ZNF432: variants seen among roughly 807,000 people sequenced by gnomAD.
ZNF432 encodes the protein zinc finger protein 432.
A neutral mutation model predicts 13.9 loss-of-function variants in ZNF432; 10 were observed. The observed-to-expected ratio is 0.72, with a 90% confidence interval of 0.44 to 1.22. The LOEUF (loss-of-function observed/expected upper bound fraction) is 1.22, where lower values mean the gene tolerates loss of function less well. Ranked by LOEUF, ZNF432 falls within the 50% of genes most tolerant of loss-of-function variation. ZNF432 has a pLI of 0.00. For synonymous variants in ZNF432, 247 were observed against 256.2 expected, an observed-to-expected ratio of 0.96 and a Z score of 0.34; for missense variants, 793 against 796.2, an observed-to-expected ratio of 1.00 and a Z score of 0.05.
At chr19:52,046,055 A>G (rs1375706039) in intron 2 of ZNF432, among the ~76,000 whole-genome samples, 2 of 151,838 alleles carry the variant, frequency 1.3e-5, no homozygotes. Flanking sequence ...TTCCATGAGT[A>G]ATTTATGTAA....
intron 2 of ZNF432, among the ~76,000 whole-genome samples, chr19:52,045,826 C>T (rs1006293836): frequency 6.6e-6 from 1 of 150,790 alleles, no homozygotes; most frequent in Non-Finnish European, 1.5e-5. Flanking sequence ...AAAACCCCAT[C>T]TCTACTAAAA....
Position 52,033,400 on chromosome 19 carries a change from A to G in ZNF432, c.*320T>C. 3.8e-6 allele frequency: 1 copy of G among 265,926 alleles called. No individual in the cohort carries two copies. 16.5% of individuals were successfully genotyped at this position (265,926 alleles called of 1,614,324 possible). A position where few individuals can be genotyped will look rare whatever the true frequency, so the allele number is the denominator to read the frequency against. ...GTAATCAGTTCAGATTCTCTGCAAA[A>G]GGACTATGTACCTTACACATTTGTC... On this transcript the variant is annotated 3_prime_UTR_variant, in exon 5 of 5. Transcript: ENST00000221315.
At chr19:52,038,777 A>C (rs2087107664) in intron 4 of ZNF432, among the ~76,000 whole-genome samples, 1 of 152,216 alleles carries the variant, frequency 6.6e-6, no homozygotes, top group African/African-American at 2.4e-5. Context: ...TCTAGCTCTA[A>C]CCTCATCCAA....
intron 1 of ZNF432, among the ~76,000 whole-genome samples, chr19:52,047,630 C>T (rs1315954686): frequency 6.8e-6 from 1 of 147,444 alleles, no homozygotes; most frequent in Non-Finnish European, 1.5e-5. Flanking sequence ...TGAGCCCAGC[C>T]ATTGCACTCA....
At position 52,032,247 on chromosome 19, in the gene ZNF432, G is replaced by T. The variant is rs2087021079; in HGVS notation, c.*1473C>A. 2 of 151,834 alleles carry T rather than the reference G, an allele frequency of 1.3e-5. No homozygotes were observed. Among genetic ancestry groups the T allele is most frequent in the Non-Finnish European group, 2.9e-5 (2 of 67,982 alleles). The allele number at this position is 151,834 out of a possible 1,614,324, so 9.4% of individuals were successfully genotyped here. A position where few individuals can be genotyped will look rare whatever the true frequency, so the allele number is the denominator to read the frequency against. On this transcript the variant is annotated 3_prime_UTR_variant, in exon 5 of 5. Coordinates refer to ENST00000221315, the MANE Select transcript of ZNF432 (RefSeq NM_014650.4). ...TAAATTTGGGGCCTATAATATGTAAGAACTAATAAATAACACCAGATTGGC... is the reference window on the plus strand; with the variant it reads ...TAAATTTGGGGCCTATAATATGTAATAACTAATAAATAACACCAGATTGGC...
chr19:52,047,242 C>T (rs1404157073), intron 1 of ZNF432, 182 bp from the exon 2 acceptor site: 2 of 272,286 alleles, frequency 7.3e-6, no homozygotes, highest in Admixed American at 5.1e-5. Context: ...AAGGAGAATC[C>T]ACATAGCATC....
In ZNF432 at chr19:52,048,836, T is replaced by G. The variant is rs920282062; in HGVS notation, c.-334A>C. 9 of 152,310 alleles carry G rather than the reference T, an allele frequency of 5.9e-5. No homozygotes were observed. Among genetic ancestry groups the G allele is most frequent in the Admixed American group, 2.0e-4 (3 of 15,280 alleles). 9.4% of individuals were successfully genotyped at this position (152,310 alleles called of 1,614,324 possible). ...AGCCGCGTTTCCATGGAGAGCGGAA[T>G]GCGGCCTTCCGGCTTTTCCTCAGGA... is the stretch of plus-strand genomic sequence containing the variant. On this transcript the variant is annotated 5_prime_UTR_variant, in exon 1 of 5. Coordinates refer to ENST00000221315, the MANE Select transcript of ZNF432 (RefSeq NM_014650.4).
intron 2 of ZNF432, among the ~76,000 whole-genome samples, chr19:52,043,700 G>A (rs2087156195): frequency 1.3e-5 from 2 of 152,222 alleles, no homozygotes; most frequent in Admixed American, 1.3e-4. Context: ...ACTGAGATAG[G>A]GGAAAACCGC....
At chr19:52,045,896 G>T (rs1417321690) in intron 2 of ZNF432, among the ~76,000 whole-genome samples, 2 of 150,754 alleles carry the variant, frequency 1.3e-5, no homozygotes, top group African/African-American at 4.9e-5. Context: ...TCAGGAAGCT[G>T]AGGCAGAAGA....
At chr19:52,041,099 T>G (rs1010991923) in intron 3 of ZNF432, among the ~76,000 whole-genome samples, 1 of 152,060 alleles carries the variant, frequency 6.6e-6, no homozygotes, top group Admixed American at 6.5e-5. Context: ...AGACACTGTC[T>G]CTAAAGAAAA....
At position 52,044,689 on chromosome 19, in the gene ZNF432, A is replaced by G. The variant is rs180929075; in HGVS notation, c.15+2165T>C. Among the ~76,000 whole-genome samples the G allele has an allele frequency of 2.9e-3, 440 of 152,344 alleles. 9 individuals carry two copies. The highest frequency in any genetic ancestry group is 1.6e-3 in the Non-Finnish European group (112 of 68,030). Reference sequence around the variant, plus strand: ...ACAAAAGAATATTGGATCATTGAAAATTGTATAATTTGATAATGTCATATT... The same window carrying G: ...ACAAAAGAATATTGGATCATTGAAAGTTGTATAATTTGATAATGTCATATT... On this transcript the variant is annotated intron_variant, in intron 2 of 4. Transcript: ENST00000221315.
Position 52,046,878 on chromosome 19 carries a change from T to C in ZNF432, c.-10A>G. On this transcript the variant is annotated 5_prime_UTR_variant, in exon 2 of 5. Transcript: ENST00000221315. The stretch of plus-strand genomic sequence containing the variant: ...CCTGGGCATTGATCATTTTCTTCTG[T>C]TGTGGGAAATGGCCAGCACCTGGGA... The C allele has an allele frequency of 6.2e-7, 1 of 1,613,294 alleles. No individual in the cohort carries two copies. Among genetic ancestry groups the C allele is most frequent in the African/African-American group, 1.3e-5 (1 of 75,024 alleles).
rs1364543772 is a variant in ZNF432 at position 52,035,011 on chromosome 19, T to C, written c.668A>G (p.His223Arg). The C allele has an allele frequency of 5.6e-6, 9 of 1,614,086 alleles. No homozygotes were observed. Among genetic ancestry groups the C allele is most frequent in the Non-Finnish European group, 7.6e-6 (9 of 1,180,036 alleles). The change falls in exon 5 of 5, where the codon CAT becomes CGT. Residue 223 changes from histidine (H) to arginine (R), a missense_variant. By Grantham distance (29) the His-to-Arg change is conservative. Transcript: ENST00000221315. ...AFVKKSQLTD[H>R]ERVHTGEKPY... Reference sequence around the variant, plus strand: ...TTTTTCTCCTGTATGAACTCTCTCATGATCAGTGAGCTGAGACTTCTTGAC... The same window carrying C: ...TTTTTCTCCTGTATGAACTCTCTCACGATCAGTGAGCTGAGACTTCTTGAC...
rs763258833 is a variant in ZNF432 at position 52,033,888 on chromosome 19, ATAAG to A, written c.1787_1790del (p.Pro596LeufsTer12). The A allele has an allele frequency of 4.4e-5, 71 of 1,613,906 alleles. No individual in the cohort carries two copies. The highest frequency in any genetic ancestry group is 1.6e-5 in the Non-Finnish European group (19 of 1,179,990). On this transcript the variant is annotated frameshift_variant, in exon 5 of 5. Transcript: ENST00000221315. LOFTEE classifies it low-confidence loss of function (END_TRUNC). Reference sequence around the variant, plus strand: ...AGCCTTTACCACATTCATTACATCCATAAGGTTTTTCTCCAGTATGAACTTGCTT... The same window carrying A: ...AGCCTTTACCACATTCATTACATCCAGTTTTTCTCCAGTATGAACTTGCTT...
At chr19:52,042,137 CATATAA>C (rs1420060636) in intron 2 of ZNF432, among the ~76,000 whole-genome samples, 6 of 152,066 alleles carry the variant, frequency 3.9e-5, no homozygotes, top group Non-Finnish European at 7.3e-5. Context: ...TGCACACATA[CATATAA>C]ATATATGTTT....
rs1469028735 is a variant in ZNF432, at chr19:52,034,492, G to A, written c.1187C>T (p.Thr396Ile). 1 of 1,613,840 alleles carries A rather than the reference G, an allele frequency of 6.2e-7. No individual in the cohort carries two copies. Among genetic ancestry groups the A allele is most frequent in the Non-Finnish European group, 8.5e-7 (1 of 1,180,002 alleles). Reference sequence around the variant, plus strand: ...ACTGCATATGTAGGGTTTCTCTCCTGTATGAGTTCGTTGATGTTCGATCAT... The same window carrying A: ...ACTGCATATGTAGGGTTTCTCTCCTATATGAGTTCGTTGATGTTCGATCAT... ...SRMIEHQRTHTGEKPYICSEC... is the reference protein window; with the variant it reads ...SRMIEHQRTHIGEKPYICSEC... The change falls in exon 5 of 5, where the codon ACA (threonine) becomes ATA (isoleucine). Residue 396 changes from threonine to isoleucine, a missense_variant. Coordinates refer to ENST00000221315, the MANE Select transcript of ZNF432 (RefSeq NM_014650.4).
Position 52,034,244 on chromosome 19 carries a change from G to A in ZNF432, c.1435C>T (p.His479Tyr). ...KSRLIVHQRT[H>Y]TGEKPYRCSE... ...CACCTGTAAGGTTTCTCTCCAGTAT[G>A]AGTTCGCTGATGTACAATCAGCCGA... The change falls in exon 5 of 5, where the codon CAT (histidine) becomes TAT (tyrosine). Residue 479 changes from histidine (H) to tyrosine (Y), a missense_variant. His to Tyr is a moderately conservative substitution (Grantham distance 83). Coordinates refer to ENST00000221315, the MANE Select transcript of ZNF432 (RefSeq NM_014650.4). The A allele has an allele frequency of 1.2e-6, 2 of 1,614,140 alleles. No individual in the cohort carries two copies. The highest frequency in any genetic ancestry group is 1.7e-6 in the Non-Finnish European group (2 of 1,180,010).
rs2087029818 is a variant in ZNF432, at chr19:52,032,968, GT to G, written c.*751del. ...AGGCTTTCCCATGATAATGCTGCTA[GT>G]ATGTGTAAGTTCATTGATGATCTAT... On this transcript the variant is annotated 3_prime_UTR_variant, in exon 5 of 5. Transcript: ENST00000221315. 6.6e-6 allele frequency: 1 copy of G among 152,188 alleles called. No individual in the cohort carries two copies. The highest frequency in any genetic ancestry group is 1.5e-5 in the Non-Finnish European group (1 of 68,038). 9.4% of individuals were successfully genotyped at this position (152,188 alleles called of 1,614,324 possible).
Position 52,035,040 on chromosome 19 carries a change from C to T in ZNF432, c.639G>A (p.Ala213=), listed in dbSNP as rs141555409. The T allele has an allele frequency of 2.6e-5, 42 of 1,613,814 alleles. No individual in the cohort carries two copies. Among genetic ancestry groups the T allele is most frequent in the Middle Eastern group, 3.3e-4 (2 of 6,058 alleles). The change falls in exon 5 of 5, where the codon GCG becomes GCA. Residue 213 remains alanine (A), a synonymous_variant. Coordinates refer to ENST00000221315, the MANE Select transcript of ZNF432 (RefSeq NM_014650.4). ...CAGTGAGCTGAGACTTCTTGACAAA[C>T]GCTTTCCCACATTCACTGCATACGT... ...KNHVCSECGK[A]FVKKSQLTDH...
Sources: gnomAD v4.1 joint callset for allele counts (sites outside exome capture counted in the v4.1 genomes callset) on GRCh38, gnomAD v4.1.1 for gene constraint, MANE v1.5 for transcripts, NCBI Gene and HGNC (gene_info 2026-07-23, HGNC 2026-07-21) for gene names.